BLM: variants seen among roughly 807,000 people sequenced by gnomAD.
BLM encodes the protein recQ-like DNA helicase BLM.
In BLM, 95 loss-of-function variants were observed where a neutral mutation model predicts 135.3. The ratio of observed to expected loss-of-function variants is 0.70; its 90% CI spans 0.59 to 0.83. The LOEUF is 0.83. Among genes scored for constraint, BLM ranks in the 40% least tolerant of loss-of-function variants. BLM has a pLI of 0.00. For missense variants in BLM, 1,518 were observed against 1,663.9 expected (o/e 0.91, Z 1.53); for synonymous variants, 520 against 589.2 (o/e 0.88, Z 1.70).
Position 90,760,895 on chromosome 15 carries a change from A to AAG in BLM, c.1522_1523insAG (p.Thr508LysfsTer5). On this transcript the variant is annotated frameshift_variant, in exon 7 of 22. Coordinates refer to ENST00000355112, the MANE Select transcript of BLM (RefSeq NM_000057.4). LOFTEE classifies it high-confidence loss of function. ...CTTTGTAAGTAGCAACTGGGCTGAAACACCAAGACTAGGAAAAAAAAATGA... is the reference window on the plus strand; with the variant it reads ...CTTTGTAAGTAGCAACTGGGCTGAAAAGCACCAAGACTAGGAAAAAAAAATGA... 6.2e-7 allele frequency: 1 copy of AAG among 1,614,078 alleles called. No homozygotes were observed.
chr15:90,761,471 A>G lies in BLM; in HGVS notation c.1882+216A>G, dbSNP rs188787810. 2.0e-3 allele frequency among the ~76,000 whole-genome samples: 310 copies of G among 152,280 alleles called. 5 individuals are homozygous for G. The highest frequency in any genetic ancestry group is 4.4e-4 in the Non-Finnish European group (30 of 68,016). ...TTTATAAAATGTGTAATTATAACCT[A>G]TTGTAGTACGGCTCTAAAGTCATTA... On this transcript the variant is annotated intron_variant, in intron 7 of 21. Transcript: ENST00000355112.
In BLM at chr15:90,769,434, C is replaced by G; in HGVS notation, c.2407-4C>G. The stretch of plus-strand genomic sequence containing the variant: ...TGAAAAGCAGTATTTTTTTTTCCAA[C>G]TAGTGGGGACATGATTTTCGTCAAG... On this transcript the variant is annotated splice_region_variant and splice_polypyrimidine_tract_variant and intron_variant, in intron 11 of 21. Transcript: ENST00000355112. The G allele has an allele frequency of 6.2e-7, 1 of 1,613,774 alleles. No individual in the cohort carries two copies.
At position 90,803,504 on chromosome 15, in the gene BLM, C is replaced by T. The variant is rs1001673659; in HGVS notation, c.3359-17C>T. On this transcript the variant is annotated splice_polypyrimidine_tract_variant and intron_variant, in intron 17 of 21. Coordinates refer to ENST00000355112, the MANE Select transcript of BLM (RefSeq NM_000057.4). ...TACGTACATTTACTCATCTTACTTCCTGTATCTTCTTATCAGGGAGTAAGA... is the reference window on the plus strand; with the variant it reads ...TACGTACATTTACTCATCTTACTTCTTGTATCTTCTTATCAGGGAGTAAGA... 4 of 1,605,066 alleles carry T rather than the reference C, an allele frequency of 2.5e-6. No individual in the cohort carries two copies. The African/African-American group carries it at 5.4e-5, about 21-fold the overall frequency.
intron 1 of BLM, among the ~76,000 whole-genome samples, chr15:90,747,075 T>A (rs1169321113): frequency 6.6e-6 from 1 of 151,986 alleles, no homozygotes; most frequent in Non-Finnish European, 1.5e-5. Context: ...CTAAAAGCCC[T>A]TTCCTAATAA....
chr15:90,793,199 G>A (rs111720741), intron 15 of BLM, among the ~76,000 whole-genome samples: 1 of 149,818 alleles, frequency 6.7e-6, no homozygotes, highest in African/African-American at 2.5e-5. Flanking sequence ...GTGATGGCAC[G>A]ATCTCAGCTC....
chr15:90,766,835 A>G, intron 9 of BLM, 75 bp from the exon 10 acceptor site: 1 of 961,118 alleles, frequency 1.0e-6, no homozygotes, highest in Non-Finnish European at 1.6e-6. Flanking sequence ...TAAAATATTT[A>G]TAAAACCTAA....
chr15:90,799,626 T>TAAAAAAAAAA (rs10600094), intron 17 of BLM, among the ~76,000 whole-genome samples: 2 of 108,748 alleles, frequency 1.8e-5, no homozygotes, highest in African/African-American at 3.7e-5. Flanking sequence ...AAGATGCCTG[T>TAAAAAAAAAA]AAAAAAAAAA....
At chr15:90,811,947 C>T (rs1432717813) in intron 21 of BLM, among the ~76,000 whole-genome samples, 1 of 152,156 alleles carries the variant, frequency 6.6e-6, no homozygotes. Flanking sequence ...CGTGAGCCAC[C>T]GCACTCAGCC....
intron 16 of BLM, among the ~76,000 whole-genome samples, chr15:90,795,755 T>C (rs954582500): frequency 3.3e-5 from 5 of 152,212 alleles, no homozygotes; most frequent in African/African-American, 1.2e-4. Context: ...GGAGGCCAGT[T>C]ACAAACAATA....
rs1275442490 is a variant in BLM, at chr15:90,757,074, G to T, written c.1087+2136G>T. 9.9e-5 allele frequency among the ~76,000 whole-genome samples: 15 copies of T among 152,146 alleles called. 1 individual carries two copies. Among genetic ancestry groups the T allele is most frequent in the Non-Finnish European group, 2.9e-5 (2 of 68,038 alleles). On this transcript the variant is annotated intron_variant, in intron 5 of 21. Transcript: ENST00000355112. ...TTAAAAAAGGAAATACATTAAGACGGATGGTTTGTTTTTATGAACTTTTGC... is the reference window on the plus strand; with the variant it reads ...TTAAAAAAGGAAATACATTAAGACGTATGGTTTGTTTTTATGAACTTTTGC...
intron 14 of BLM, among the ~76,000 whole-genome samples, chr15:90,789,987 G>GTTTTTTTTTTGTTTTTT (rs1896857678): frequency 1.7e-5 from 1 of 57,378 alleles, no homozygotes; most frequent in African/African-American, 5.3e-5. Flanking sequence ...AGTCCCTGGT[G>GTTTTTTTTTTGTTTTTT]TTTTTTTTTT....
chr15:90,749,671 G>C lies in BLM; in HGVS notation c.403G>C (p.Ala135Pro), dbSNP rs373832397. The C allele has an allele frequency of 6.2e-7, 1 of 1,614,150 alleles. No homozygotes were observed. The highest frequency in any genetic ancestry group is 1.3e-5 in the African/African-American group (1 of 75,058). Residue 135 changes from alanine (A) to proline (P), a missense_variant, in exon 3 of 22, where the codon GCT (alanine) becomes CCT (proline). Physicochemically the swap from Ala to Pro is conservative, Grantham distance 27. Coordinates refer to ENST00000355112, the MANE Select transcript of BLM (RefSeq NM_000057.4). ...AACTGTAAAGAAATCCCGGGATACT[G>C]CTCTCAAGAAATTAGAATTTAGTTC... ...TPTVKKSRDT[A>P]LKKLEFSSSP... is the part of the protein sequence containing the mutation.
At position 90,752,077 on chromosome 15, in the gene BLM, G is replaced by A. The variant is rs373441409; in HGVS notation, c.959+131G>A. ...ACAATTATTTTACATTCAAGTGAAA[G>A]CCTCAAAAAAAAACCCTGTTTATAC... is the stretch of plus-strand genomic sequence containing the variant. On this transcript the variant is annotated intron_variant, in intron 4 of 21. Coordinates refer to ENST00000355112, the MANE Select transcript of BLM (RefSeq NM_000057.4). 34 of 899,326 alleles carry A rather than the reference G, an allele frequency of 3.8e-5. No homozygotes were observed. In the African/African-American group the frequency reaches 5.1e-4, roughly 13 times the overall value. 55.7% of individuals were successfully genotyped at this position (899,326 alleles called of 1,614,324 possible).
chr15:90,731,082 G>A (rs1895057018), intron 1 of BLM, among the ~76,000 whole-genome samples: 1 of 151,990 alleles, frequency 6.6e-6, no homozygotes, highest in Non-Finnish European at 1.5e-5. Context: ...TGGGACTATA[G>A]GCAAGTGTCA....
intron 1 of BLM, among the ~76,000 whole-genome samples, chr15:90,742,333 C>T (rs922075008): frequency 6.6e-6 from 1 of 152,106 alleles, no homozygotes; most frequent in Non-Finnish European, 1.5e-5. Flanking sequence ...TCAGGAACCA[C>T]CCCCTAAAAT....
chr15:90,777,171 G>A (rs528138064), intron 12 of BLM, among the ~76,000 whole-genome samples: 9 of 151,290 alleles, frequency 5.9e-5, no homozygotes, highest in Non-Finnish European at 8.8e-5. Context: ...TTTTTTGAGG[G>A]GGGTGGGGGG....
At chr15:90,805,136 G>A (rs1054916132) in intron 19 of BLM, among the ~76,000 whole-genome samples, 6 of 112,794 alleles carry the variant, frequency 5.3e-5, no homozygotes, top group Non-Finnish European at 7.5e-5. Flanking sequence ...ATGCGCGGCC[G>A]AAACTTATTC....
At chr15:90,763,280 CTGT>C in intron 8 of BLM, 123 bp downstream of exon 8, 1 of 1,002,974 alleles carries the variant, frequency 1.0e-6, no homozygotes, top group Non-Finnish European at 1.6e-6. Flanking sequence ...CTTAAACCTC[CTGT>C]ACCATAGTGA....
chr15:90,781,272 A>G (rs1003770697), intron 12 of BLM, among the ~76,000 whole-genome samples: 11 of 152,112 alleles, frequency 7.2e-5, no homozygotes, highest in Admixed American at 5.9e-4. Context: ...GGGGTGTCCA[A>G]TCTTTTGGCT....
Sources: allele counts gnomAD v4.1 joint callset (sites outside exome capture counted in the v4.1 genomes callset), GRCh38; gene constraint gnomAD v4.1.1; transcripts MANE v1.5; gene names NCBI Gene and HGNC (gene_info 2026-07-23, HGNC 2026-07-21).